The following RFFL variants were observed in gnomAD, a reference collection of about 807,000 sequenced individuals.
RFFL encodes the protein E3 ubiquitin-protein ligase rififylin.
In RFFL, 16 loss-of-function variants were observed where a neutral mutation model predicts 40.4. The ratio of observed to expected loss-of-function variants is 0.40; its 90% CI spans 0.27 to 0.60. The LOEUF (loss-of-function observed/expected upper bound fraction) is 0.60, where lower values mean the gene tolerates loss of function less well. RFFL is among the 20% of genes least tolerant of loss of function. The pLI is 0.47. For missense variants in RFFL, 367 were observed against 451.7 expected (o/e 0.81, Z 1.70); for synonymous variants, 154 against 167.9 (o/e 0.92, Z 0.64).
chr17:35,020,556 C>T (rs758277720), intron 3 of RFFL, among the ~76,000 whole-genome samples: 2 of 151,614 alleles, frequency 1.3e-5, no homozygotes, highest in African/African-American at 2.4e-5. Context: ...TTCCACAAAA[C>T]GAGTCCTTGG....
chr17:35,038,513 G>A (rs1236508079), intron 1 of RFFL, among the ~76,000 whole-genome samples: 2 of 152,182 alleles, frequency 1.3e-5, no homozygotes, highest in Non-Finnish European at 2.9e-5. Context: ...AAGCCCTACT[G>A]TAATAGCCTC....
intron 6 of RFFL, among the ~76,000 whole-genome samples, chr17:35,012,585 C>T (rs1045021223): frequency 6.6e-6 from 1 of 152,158 alleles, no homozygotes; most frequent in Non-Finnish European, 1.5e-5. Flanking sequence ...AGAAATGGAA[C>T]TGTGATGAAT....
intron 1 of RFFL, among the ~76,000 whole-genome samples, chr17:35,046,157 A>G (rs1016251261): frequency 6.6e-6 from 1 of 152,190 alleles, no homozygotes; most frequent in Admixed American, 6.5e-5. Context: ...TTGTCTGCTA[A>G]GATTACTTGA....
rs763648129 is a variant in RFFL at position 35,021,472 on chromosome 17, G to A, written c.490C>T (p.Gln164Ter). Reference sequence around the variant, plus strand: ...GGTGGAACCATGCTGGAGTGAGGCTGGGTCAGGAAGGCCTGCTGCTCAGGA... The same window carrying A: ...GGTGGAACCATGCTGGAGTGAGGCTAGGTCAGGAAGGCCTGCTGCTCAGGA... ...DFPEQQAFLT[Q>*]PHSSMVPPTS... Residue 164 changes from glutamine to a stop codon, truncating the protein, a stop_gained, in exon 3 of 7, where the codon CAG (glutamine) becomes TAG (stop). Transcript: ENST00000394597. LOFTEE classifies it high-confidence loss of function. 6.3e-7 allele frequency: 1 copy of A among 1,576,954 alleles called. No homozygotes were observed. Among genetic ancestry groups the A allele is most frequent in the African/African-American group, 1.4e-5 (1 of 74,070 alleles).
chr17:35,013,996 ATCT>A (rs1381178262), intron 6 of RFFL, among the ~76,000 whole-genome samples: 1 of 152,230 alleles, frequency 6.6e-6, no homozygotes, highest in Admixed American at 6.5e-5. Flanking sequence ...AATTTGGGAA[ATCT>A]TCTGAAATAA....
intron 1 of RFFL, among the ~76,000 whole-genome samples, chr17:35,045,631 CT>C (rs2091194556): frequency 6.6e-6 from 1 of 152,046 alleles, no homozygotes; most frequent in Admixed American, 6.6e-5. Flanking sequence ...TATTCTCAGC[CT>C]TAATGCCAGG....
chr17:35,052,962 CAGA>C (rs1296148087), intron 1 of RFFL, among the ~76,000 whole-genome samples: 1 of 152,140 alleles, frequency 6.6e-6, no homozygotes, highest in East Asian at 1.9e-4. Context: ...AAAAGCACAA[CAGA>C]AACAAGGGTA....
intron 1 of RFFL, among the ~76,000 whole-genome samples, chr17:35,074,816 A>C (rs2091368208): frequency 6.6e-6 from 1 of 152,184 alleles, no homozygotes. Context: ...AAATTCTCCC[A>C]TACTTTTAGA....
chr17:35,050,998 A>G (rs1278684650), intron 1 of RFFL, among the ~76,000 whole-genome samples: 1 of 152,216 alleles, frequency 6.6e-6, no homozygotes, highest in Non-Finnish European at 1.5e-5. Context: ...ATAAAAAATA[A>G]AAGGATTGTG....
Position 35,026,382 on chromosome 17 carries a change from C to A in RFFL, c.172G>T (p.Ala58Ser), listed in dbSNP as rs201829782. The change falls in exon 2 of 7, where the codon GCC (alanine) becomes TCC (serine). Residue 58 changes from alanine (A) to serine (S), a missense_variant. Ala to Ser is a moderately conservative substitution (Grantham distance 99). Coordinates refer to ENST00000394597, the MANE Select transcript of RFFL (RefSeq NM_001017368.2). ...KSCGAHFANTARKQTCLDCKK... is the reference protein window; with the variant it reads ...KSCGAHFANTSRKQTCLDCKK... ...AAGAAGTCAGCACTCACCTTCCTGG[C>A]CGTGTTTGCAAAGTGAGCCCCACAG... 74 of 1,613,648 alleles carry A rather than the reference C, an allele frequency of 4.6e-5. No homozygotes were observed. In the Middle Eastern group the frequency reaches 6.7e-4, roughly 15 times the overall value.
At chr17:35,042,209 A>G (rs760074713) in intron 1 of RFFL, 1 of 152,156 alleles carries the variant, frequency 6.6e-6, no homozygotes, top group African/African-American at 2.4e-5. Flanking sequence ...ATGTCCTGAG[A>G]ACTCACCTGA....
chr17:35,048,469 CAGTTT>C (rs1227061686), intron 1 of RFFL, among the ~76,000 whole-genome samples: 2 of 152,046 alleles, frequency 1.3e-5, no homozygotes, highest in Non-Finnish European at 2.9e-5. Context: ...TAATCAGGTT[CAGTTT>C]AGTTTTTGAA....
chr17:35,088,610 G>A (rs534597348), intron 1 of RFFL: 1 of 152,486 alleles, frequency 6.6e-6, no homozygotes, highest in Admixed American at 6.5e-5. Flanking sequence ...TGGACCCTGC[G>A]GGGAGAACCG....
intron 2 of RFFL, among the ~76,000 whole-genome samples, chr17:35,022,205 G>T (rs1401446443): frequency 1.3e-5 from 2 of 152,188 alleles, no homozygotes; most frequent in Admixed American, 6.5e-5. Flanking sequence ...TAAAATGGGG[G>T]TGATAACAGT....
intron 2 of RFFL, among the ~76,000 whole-genome samples, chr17:35,023,685 A>G (rs1440410506): frequency 2.6e-5 from 4 of 152,264 alleles, no homozygotes; most frequent in African/African-American, 9.6e-5. Flanking sequence ...ACTTAAGTCG[A>G]TGCAGTCTGA....
At chr17:35,048,935 A>G (rs888971525) in intron 1 of RFFL, among the ~76,000 whole-genome samples, 1 of 152,002 alleles carries the variant, frequency 6.6e-6, no homozygotes, top group Non-Finnish European at 1.5e-5. Context: ...GATGTGATCT[A>G]CCCAGTATCT....
In RFFL at chr17:35,086,118, T is replaced by C. The variant is rs79367260; in HGVS notation, c.-9+2987A>G. ...TACTATTTTAAAACTGCTTAACTAA[T>C]ATAAAGTCACAAAATAAGAAGTTAA... is the stretch of plus-strand genomic sequence containing the variant. On this transcript the variant is annotated intron_variant, in intron 1 of 6. Transcript: ENST00000315249. Among the ~76,000 whole-genome samples the C allele has an allele frequency of 6.3e-3, 966 of 152,274 alleles. 11 individuals carry two copies. Among genetic ancestry groups the C allele is most frequent in the African/African-American group, 0.022 (906 of 41,538 alleles).
At chr17:35,036,542 T>C (rs751466157) in intron 1 of RFFL, 2 of 152,174 alleles carry the variant, frequency 1.3e-5, no homozygotes, top group Non-Finnish European at 2.9e-5. Flanking sequence ...AAATGGGAGA[T>C]GTAGGGCCAG....
chr17:35,038,523 C>T (rs1327008708), intron 1 of RFFL, among the ~76,000 whole-genome samples: 2 of 152,150 alleles, frequency 1.3e-5, no homozygotes, highest in Non-Finnish European at 2.9e-5. Context: ...GTAATAGCCT[C>T]AAGCTGGAAA....
Sources: allele counts gnomAD v4.1 joint callset (sites outside exome capture counted in the v4.1 genomes callset), GRCh38; gene constraint gnomAD v4.1.1; transcripts MANE v1.5; gene names NCBI Gene and HGNC (gene_info 2026-07-23, HGNC 2026-07-21).